The following VGF variants were observed in gnomAD, a reference collection of about 807,000 sequenced individuals.
The protein encoded by VGF is VGF nerve growth factor inducible.
VGF carries 13 observed loss-of-function variants against 41.1 expected under a neutral mutation model. The ratio of observed to expected loss-of-function variants is 0.32; its 90% CI spans 0.21 to 0.50. The LOEUF is 0.50. Among genes scored for constraint, VGF ranks in the 20% least tolerant of loss-of-function variants. VGF has a pLI of 0.98. For synonymous variants in VGF, 473 were observed against 418.3 expected (o/e 1.13, Z -1.60); for missense variants, 920 against 882.1 (o/e 1.04, Z -0.54).
chr7:101,162,795 A>C lies in VGF; in HGVS notation c.*201T>G. 2 of 647,274 alleles carry C rather than the reference A, an allele frequency of 3.1e-6. No homozygotes were observed. Among genetic ancestry groups the C allele is most frequent in the Non-Finnish European group, 5.7e-6 (2 of 350,356 alleles). 40.1% of individuals were successfully genotyped at this position (647,274 alleles called of 1,614,324 possible). A position where few individuals can be genotyped will look rare whatever the true frequency, so the allele number is the denominator to read the frequency against. ...CGCCCTCCTGGGCTGGCCCCCGGTC[A>C]CCCGCGGGTGAGCTCTGGGAGTTCG... On this transcript the variant is annotated 3_prime_UTR_variant, in exon 2 of 2. Coordinates refer to ENST00000249330, the MANE Select transcript of VGF (RefSeq NM_003378.4). This position sits in a 1 kb window ranked among gnomAD's most constrained non-coding sequence, Gnocchi z 4.2.
rs779099185 is a variant in VGF, at chr7:101,163,360, CG to C, written c.1483del (p.Arg495ValfsTer179). ...GACGTGGGTGGGGGCGGGGGCGGCACGGGGGGGCGGCACGGGCTCGGGAGGG... is the reference window on the plus strand; with the variant it reads ...GACGTGGGTGGGGGCGGGGGCGGCACGGGGGGCGGCACGGGCTCGGGAGGG... ...NAPPEPVPPP[R>X]AAPAPTHVRS... On this transcript the variant is annotated frameshift_variant, in exon 2 of 2. Coordinates refer to ENST00000249330, the MANE Select transcript of VGF (RefSeq NM_003378.4). LOFTEE classifies it high-confidence loss of function. This position sits in a 1 kb window ranked among gnomAD's most constrained non-coding sequence, Gnocchi z 5.0. 7.9e-6 allele frequency: 2 copies of C among 254,528 alleles called. No individual in the cohort carries two copies. The highest frequency in any genetic ancestry group is 8.0e-5 in the African/African-American group (1 of 12,424). The allele number at this position is 254,528 out of a possible 1,614,324, so 15.8% of individuals were successfully genotyped here.
chr7:101,166,953 C>G (rs1797230491), upstream of VGF, among the ~76,000 whole-genome samples: 1 of 151,910 alleles, frequency 6.6e-6, no homozygotes, highest in Non-Finnish European at 1.5e-5. Flanking sequence ...ACACGCCAGA[C>G]ACACACGAAC....
At chr7:101,165,683 A>G (rs1255665720), upstream of VGF, 1 of 983,774 alleles carries the variant, frequency 1.0e-6, no homozygotes, top group East Asian at 1.1e-4. Context: ...GGCCGCCCGG[A>G]GGAGGAAGGA....
rs1363254947 is a variant in VGF at position 101,163,785 on chromosome 7, C to G, written c.1059G>C (p.Glu353Asp). The change falls in exon 2 of 2, where the codon GAG becomes GAC. Residue 353 changes from glutamate to aspartate, a missense_variant. By Grantham distance (45) the Glu-to-Asp change is conservative. Transcript: ENST00000249330. This position sits in a 1 kb window ranked among gnomAD's most constrained non-coding sequence, Gnocchi z 5.0. ...TTGCACTCTCTCGCTCCTCCGCCGC[C>G]TCCTGCAGCCCCCGACCCCCGAGGC... ...QRGLGGRGLQ[E>D]AAEERESARE... The G allele has an allele frequency of 5.9e-6, 9 of 1,532,096 alleles. No individual in the cohort carries two copies. Among genetic ancestry groups the G allele is most frequent in the Non-Finnish European group, 7.0e-6 (8 of 1,143,458 alleles). The allele number at this position is 1,532,096 out of a possible 1,614,324, so 94.9% of individuals were successfully genotyped here.
rs944456574 is a variant in VGF at position 101,162,885 on chromosome 7, A to T, written c.*111T>A. 1 of 724,942 alleles carries T rather than the reference A, an allele frequency of 1.4e-6. No individual in the cohort carries two copies. The allele number at this position is 724,942 out of a possible 1,614,324, so 44.9% of individuals were successfully genotyped here. ...CAGCCCGGGGACAGGGGCAGGGCCA[A>T]GGGGCAGGGCCGGGGCGCATGCAAA... On this transcript the variant is annotated 3_prime_UTR_variant, in exon 2 of 2. Coordinates refer to ENST00000249330, the MANE Select transcript of VGF (RefSeq NM_003378.4). This position sits in a 1 kb window ranked among gnomAD's most constrained non-coding sequence, Gnocchi z 4.2.
Position 101,163,793 on chromosome 7 carries a change from GC to G in VGF, c.1050del (p.Leu351CysfsTer323), listed in dbSNP as rs1329016973. ...TCTCGCTCCTCCGCCGCCTCCTGCA[GC>G]CCCCGACCCCCGAGGCCGCGCTGCC... ...GARQRGLGGR[G>X]LQEAAEERES... is the part of the protein sequence containing the mutation. On this transcript the variant is annotated frameshift_variant, in exon 2 of 2. Transcript: ENST00000249330. LOFTEE classifies it high-confidence loss of function. This position sits in a 1 kb window ranked among gnomAD's most constrained non-coding sequence, Gnocchi z 5.0. 2.6e-6 allele frequency: 4 copies of G among 1,533,048 alleles called. No individual in the cohort carries two copies. The highest frequency in any genetic ancestry group is 8.7e-7 in the Non-Finnish European group (1 of 1,144,226). The allele number at this position is 1,533,048 out of a possible 1,614,324, so 95.0% of individuals were successfully genotyped here.
In VGF at chr7:101,162,945, C is replaced by G; in HGVS notation, c.*51G>C. 1.1e-6 allele frequency: 1 copy of G among 927,724 alleles called. No homozygotes were observed. Among genetic ancestry groups the G allele is most frequent in the South Asian group, 3.2e-5 (1 of 31,548 alleles). The allele number at this position is 927,724 out of a possible 1,614,324, so 57.5% of individuals were successfully genotyped here. A position where few individuals can be genotyped will look rare whatever the true frequency, so the allele number is the denominator to read the frequency against. On this transcript the variant is annotated 3_prime_UTR_variant, in exon 2 of 2. Coordinates refer to ENST00000249330, the MANE Select transcript of VGF (RefSeq NM_003378.4). This position sits in a 1 kb window ranked among gnomAD's most constrained non-coding sequence, Gnocchi z 4.2. ...GGAGCGGGCAACACGGAGGGGGGCGCCGGCGCGCGCGCGCGGCGGGGGCGC... is the reference window on the plus strand; with the variant it reads ...GGAGCGGGCAACACGGAGGGGGGCGGCGGCGCGCGCGCGCGGCGGGGGCGC...
upstream of VGF, among the ~76,000 whole-genome samples, chr7:101,169,085 G>A (rs1363063311): frequency 6.6e-6 from 1 of 152,062 alleles, no homozygotes; most frequent in Non-Finnish European, 1.5e-5. Context: ...CTACGGGAGG[G>A]TCTGGAATGA....
At chr7:101,165,870 A>C (rs1755420658), upstream of VGF, among the ~76,000 whole-genome samples, 1 of 152,140 alleles carries the variant, frequency 6.6e-6, no homozygotes, top group South Asian at 2.1e-4. Context: ...CGAGGAGAAA[A>C]GGATGAATGA....
In VGF at chr7:101,164,359, A is replaced by G; in HGVS notation, c.485T>C (p.Leu162Pro). The G allele has an allele frequency of 1.2e-6, 2 of 1,611,922 alleles. No homozygotes were observed. The highest frequency in any genetic ancestry group is 1.7e-6 in the Non-Finnish European group (2 of 1,179,890). ...ACTGAAATCTCGCAGTTCCTGGAGC[A>G]GGGACGCTAGCGCCTCGAGCTCCTC... ...PSEELEALAS[L>P]LQELRDFSPS... Residue 162 changes from leucine (L) to proline (P), a missense_variant, in exon 2 of 2, where the codon CTG (leucine) becomes CCG (proline). By Grantham distance (98) the Leu-to-Pro change is moderately conservative. Transcript: ENST00000249330.
rs1450499532 is a variant in VGF, at chr7:101,163,356, G to A, written c.1488C>T (p.Ala496=). ...AGCGGACGTGGGTGGGGGCGGGGGC[G>A]GCACGGGGGGGCGGCACGGGCTCGG... ...APPEPVPPPR[A]APAPTHVRSP... The change falls in exon 2 of 2, where the codon GCC becomes GCT. Residue 496 remains alanine, a synonymous_variant. Transcript: ENST00000249330. This position sits in a 1 kb window ranked among gnomAD's most constrained non-coding sequence, Gnocchi z 5.0. 5 of 1,001,782 alleles carry A rather than the reference G, an allele frequency of 5.0e-6. No homozygotes were observed. Among genetic ancestry groups the A allele is most frequent in the Non-Finnish European group, 6.9e-6 (5 of 722,960 alleles). The allele number at this position is 1,001,782 out of a possible 1,614,324, so 62.1% of individuals were successfully genotyped here. A position where few individuals can be genotyped will look rare whatever the true frequency, so the allele number is the denominator to read the frequency against.
At chr7:101,168,131 G>A (rs1797249579), upstream of VGF, among the ~76,000 whole-genome samples, 1 of 151,642 alleles carries the variant, frequency 6.6e-6, no homozygotes, top group South Asian at 2.1e-4. Flanking sequence ...TGGCTTGGTG[G>A]TACACAACAA....
At position 101,162,866 on chromosome 7, in the gene VGF, G is replaced by A. The variant is rs755905793; in HGVS notation, c.*130C>T. ...GGTCTGGCAGGTCCCGACGCAGCCC[G>A]GGGACAGGGGCAGGGCCAAGGGGCA... On this transcript the variant is annotated 3_prime_UTR_variant, in exon 2 of 2. Coordinates refer to ENST00000249330, the MANE Select transcript of VGF (RefSeq NM_003378.4). This position sits in a 1 kb window ranked among gnomAD's most constrained non-coding sequence, Gnocchi z 4.2. 6 of 697,604 alleles carry A rather than the reference G, an allele frequency of 8.6e-6. No homozygotes were observed. The South Asian group carries it at 9.1e-5, about 11-fold the overall frequency. The allele number at this position is 697,604 out of a possible 1,614,324, so 43.2% of individuals were successfully genotyped here. A position where few individuals can be genotyped will look rare whatever the true frequency, so the allele number is the denominator to read the frequency against.
In VGF at chr7:101,163,019, G is replaced by T; in HGVS notation, c.1825C>A (p.His609Asn). Residue 609 changes from histidine to asparagine, a missense_variant, in exon 2 of 2, where the codon CAC (histidine) becomes AAC (asparagine). Physicochemically the swap from His to Asn is moderately conservative, Grantham distance 68 (BLOSUM62 1). This residue lies in a region of VGF where 257 missense variants were observed against 217.2 expected (regional missense o/e 1.18). Coordinates refer to ENST00000249330, the MANE Select transcript of VGF (RefSeq NM_003378.4). This position sits in a 1 kb window ranked among gnomAD's most constrained non-coding sequence, Gnocchi z 5.0. ...AGTCACGGGCGCCGGAGCAGCACGT[G>T]CTCGATGTAATTCTCCAGCTCCTCC... is the stretch of plus-strand genomic sequence containing the variant. ...EQEELENYIE[H>N]VLLRRP 6.5e-7 allele frequency: 1 copy of T among 1,539,934 alleles called. No homozygotes were observed. Among genetic ancestry groups the T allele is most frequent in the Non-Finnish European group, 8.7e-7 (1 of 1,148,048 alleles).
rs776943901 is a variant in VGF, at chr7:101,164,872, T to C, written c.-20-9A>G. 1.3e-6 allele frequency: 2 copies of C among 1,522,806 alleles called. No individual in the cohort carries two copies. The highest frequency in any genetic ancestry group is 1.4e-5 in the African/African-American group (1 of 71,544). 94.3% of individuals were successfully genotyped at this position (1,522,806 alleles called of 1,614,324 possible). On this transcript the variant is annotated splice_polypyrimidine_tract_variant and intron_variant, in intron 1 of 1. Coordinates refer to ENST00000249330, the MANE Select transcript of VGF (RefSeq NM_003378.4). ...CAAGAGGCTGCCGGAGACTGAAAAA[T>C]AGAAGGGACCAAAAAAAGAGGATTT...
Position 101,164,531 on chromosome 7 carries a change from C to T in VGF, c.313G>A (p.Gly105Arg). ...GCTTCAGCTGCTTCTTCCTCCGGCCCCTGCTGGGAGCCGCTTGGTGCCGGG... is the reference window on the plus strand; with the variant it reads ...GCTTCAGCTGCTTCTTCCTCCGGCCTCTGCTGGGAGCCGCTTGGTGCCGGG... Reference protein sequence around the residue: ...SPPAPSGSQQGPEEEAAEALL... With the variant: ...SPPAPSGSQQRPEEEAAEALL... The change falls in exon 2 of 2, where the codon GGG (glycine) becomes AGG (arginine). Residue 105 changes from glycine to arginine, a missense_variant. By Grantham distance (125) the Gly-to-Arg change is moderately radical (BLOSUM62 -2). Coordinates refer to ENST00000249330, the MANE Select transcript of VGF (RefSeq NM_003378.4). The T allele has an allele frequency of 1.3e-6, 2 of 1,599,358 alleles. No homozygotes were observed. The highest frequency in any genetic ancestry group is 2.2e-5 in the South Asian group (2 of 90,638).
chr7:101,163,162 A>G lies in VGF; in HGVS notation c.1682T>C (p.Leu561Ser). 6.4e-7 allele frequency: 1 copy of G among 1,571,990 alleles called. No individual in the cohort carries two copies. The highest frequency in any genetic ancestry group is 8.6e-7 in the Non-Finnish European group (1 of 1,163,586). The change falls in exon 2 of 2, where the codon TTG becomes TCG. Residue 561 changes from leucine to serine, a missense_variant. Leu to Ser is a moderately radical substitution (Grantham distance 145, BLOSUM62 -2). Around this residue, in one of 3 missense-constraint regions of VGF, gnomAD observed 257 missense variants for 217.2 expected, o/e 1.18. Coordinates refer to ENST00000249330, the MANE Select transcript of VGF (RefSeq NM_003378.4). This position sits in a 1 kb window ranked among gnomAD's most constrained non-coding sequence, Gnocchi z 5.0. ...GGCGTGGTGGTAGTGGCGGCGGCGCAAGGCCGAGGGCGGCTGCAGTGTCCG... is the reference window on the plus strand; with the variant it reads ...GGCGTGGTGGTAGTGGCGGCGGCGCGAGGCCGAGGGCGGCTGCAGTGTCCG... ...RPRTLQPPSA[L>S]RRRHYHHALP...
In VGF at chr7:101,163,613, C is replaced by T. The variant is rs908901172; in HGVS notation, c.1231G>A (p.Gly411Arg). ...NALLFAEEED[G>R]EAGAEDKRSQ... ...CGCTTGTCCTCGGCGCCGGCTTCCC[C>T]GTCCTCCTCCTCCGCGAACAGGAGC... Residue 411 changes from glycine (G) to arginine (R), a missense_variant, in exon 2 of 2, where the codon GGG becomes AGG. Physicochemically the swap from Gly to Arg is moderately radical, Grantham distance 125. Around this residue, in one of 3 missense-constraint regions of VGF, gnomAD observed 654 missense variants for 638.4 expected, o/e 1.02. Coordinates refer to ENST00000249330, the MANE Select transcript of VGF (RefSeq NM_003378.4). This position sits in a 1 kb window ranked among gnomAD's most constrained non-coding sequence, Gnocchi z 5.0. The T allele has an allele frequency of 4.5e-6, 7 of 1,551,648 alleles. No homozygotes were observed. The highest frequency in any genetic ancestry group is 1.2e-5 in the South Asian group (1 of 85,546).
chr7:101,165,349 G>A, intron 1 of VGF, 25 bp downstream of exon 1: 1 of 985,792 alleles, frequency 1.0e-6, no homozygotes, highest in Non-Finnish European at 1.2e-6. Flanking sequence ...CCGAGGGTTT[G>A]AGGGACGAAC....
Sources: gnomAD v4.1 joint callset for allele counts (sites outside exome capture counted in the v4.1 genomes callset) on GRCh38, gnomAD v4.1.1 for gene constraint, gnomAD v4.1.1 regional missense constraint, Gnocchi (gnomAD v3.1) non-coding constraint, MANE v1.5 for transcripts, NCBI Gene and HGNC (gene_info 2026-07-23, HGNC 2026-07-21) for gene names.